The following IL3RA variants were observed in gnomAD, a reference collection of about 807,000 sequenced individuals.
IL3RA encodes interleukin-3 receptor subunit alpha.
In IL3RA, 73 loss-of-function variants were observed where a neutral mutation model predicts 52.3. That is an observed-to-expected ratio of 1.40 (90% CI 1.16 to 1.70). IL3RA has a LOEUF of 1.70. Ranked by LOEUF, IL3RA falls within the 40% of genes most tolerant of loss-of-function variation. The probability of loss-of-function intolerance (pLI) is 0.00; values close to 1 mark genes in which losing one functional copy is unlikely to be tolerated. For missense variants in IL3RA, 664 were observed against 504.4 expected (o/e 1.32, Z -3.03); for synonymous variants, 260 against 194.0 (o/e 1.34, Z -2.83).
chrX:1,340,509 C>T (rs1265223874), intron 1 of IL3RA, among the ~76,000 whole-genome samples: 105 of 152,320 alleles, frequency 6.9e-4, no homozygotes, highest in Non-Finnish European at 1.3e-3. Context: ...CATTTGTACA[C>T]ATACATTCAC....
chrX:1,356,197 T>C, intron 6 of IL3RA, 24 bp from the exon 7 acceptor site: 2 of 1,382,558 alleles, frequency 1.4e-6, no homozygotes, highest in Non-Finnish European at 2.0e-6. Context: ...TCCTAAATCC[T>C]AAAAGTGTTT....
chrX:1,357,036 T>C (rs1426309031), intron 7 of IL3RA, among the ~76,000 whole-genome samples: 19 of 151,676 alleles, frequency 1.3e-4, no homozygotes, highest in Non-Finnish European at 2.8e-4. Flanking sequence ...CACTGCAACC[T>C]CTGCCTCCCG....
At position 1,344,748 on chromosome X, in the gene IL3RA, G is replaced by A. The variant is rs535785262; in HGVS notation, c.65-568G>A. 2.0e-4 allele frequency among the ~76,000 whole-genome samples: 31 copies of A among 151,766 alleles called. No homozygotes were observed. The South Asian group carries it at 2.7e-3, about 13-fold the overall frequency. ...AGATCGTGCCACTGCACTCCAGCCTGGGTGACAAGAGCAAAACTCCGTCTC... is the reference window on the plus strand; with the variant it reads ...AGATCGTGCCACTGCACTCCAGCCTAGGTGACAAGAGCAAAACTCCGTCTC... On this transcript the variant is annotated intron_variant, in intron 2 of 11. Transcript: ENST00000331035.
intron 1 of IL3RA, among the ~76,000 whole-genome samples, chrX:1,340,379 G>C (rs1295135424): frequency 2.0e-5 from 3 of 152,152 alleles, no homozygotes; most frequent in Non-Finnish European, 4.4e-5. Flanking sequence ...GCTTCCCAAA[G>C]TGCTGGGATT....
chrX:1,346,133 T>C (rs1246712338), intron 3 of IL3RA, among the ~76,000 whole-genome samples: 1 of 151,300 alleles, frequency 6.6e-6, no homozygotes, highest in African/African-American at 2.4e-5. Context: ...GCCAACACGG[T>C]GAAACGCTGT....
intron 6 of IL3RA, among the ~76,000 whole-genome samples, chrX:1,352,881 A>G (rs1175123702): frequency 4.5e-5 from 2 of 43,964 alleles, no homozygotes; most frequent in Non-Finnish European, 1.3e-4. Context: ...GGGTCATAGA[A>G]TCCCCCATGA....
chrX:1,351,998 C>T (rs1399564111), intron 4 of IL3RA, 102 bp from the exon 5 acceptor site: 1 of 1,434,266 alleles, frequency 7.0e-7, no homozygotes, highest in Non-Finnish European at 9.5e-7. Context: ...CTCCTGACCT[C>T]ATGTGATCCA....
intron 8 of IL3RA, among the ~76,000 whole-genome samples, chrX:1,359,116 T>C (rs2086966977): frequency 6.6e-6 from 1 of 152,036 alleles, no homozygotes; most frequent in Admixed American, 6.6e-5. Flanking sequence ...CATCCCCAAA[T>C]TGAGGGATGG....
At chrX:1,343,771 C>G (rs1452490742) in intron 2 of IL3RA, among the ~76,000 whole-genome samples, 1 of 124,906 alleles carries the variant, frequency 8.0e-6, no homozygotes, top group African/African-American at 3.3e-5. Flanking sequence ...CTTTTTCTTT[C>G]TTTCTTTTTT....
At chrX:1,361,202 C>T (rs865902975) in intron 8 of IL3RA, among the ~76,000 whole-genome samples, 1 of 103,020 alleles carries the variant, frequency 9.7e-6, no homozygotes, top group Non-Finnish European at 2.1e-5. Flanking sequence ...TCTCCATTCC[C>T]CTGTCTCTAT....
At chrX:1,355,522 C>T (rs2086641696) in intron 6 of IL3RA, among the ~76,000 whole-genome samples, 1 of 148,338 alleles carries the variant, frequency 6.7e-6, no homozygotes, top group African/African-American at 2.5e-5. Flanking sequence ...CCAGGGGAGA[C>T]CCAGCCAGGC....
intron 8 of IL3RA, among the ~76,000 whole-genome samples, chrX:1,359,664 C>T (rs7066270): frequency 0.026 from 3,887 of 150,828 alleles, 177 homozygotes; most frequent in African/African-American, 0.09. Flanking sequence ...CTCTATCTCC[C>T]GCTCCGTGTC....
At chrX:1,381,609 C>G (rs2089181288) in intron 11 of IL3RA, among the ~76,000 whole-genome samples, 1 of 151,456 alleles carries the variant, frequency 6.6e-6, no homozygotes, top group Non-Finnish European at 1.5e-5. Flanking sequence ...GCGATCTTGG[C>G]TCACCACAAC....
At chrX:1,362,896 C>G (rs1162113227) in intron 8 of IL3RA, among the ~76,000 whole-genome samples, 2 of 152,074 alleles carry the variant, frequency 1.3e-5, no homozygotes, top group African/African-American at 4.8e-5. Flanking sequence ...CTGCCTCAGC[C>G]TCCCGAGTAG....
rs760111863 is a variant in IL3RA at position 1,362,184 on chromosome X, G to A, written c.760-2954G>A. ...TCTTTCCCTCTCTCTTTGTATCTAT[G>A]TCTTTCTGTCTCTCCGTTTCTGTCT... is the stretch of plus-strand genomic sequence containing the variant. On this transcript the variant is annotated intron_variant, in intron 8 of 11. Transcript: ENST00000331035. Among the ~76,000 whole-genome samples, 122 of 144,278 alleles carry A rather than the reference G, an allele frequency of 8.5e-4. 2 individuals are homozygous for A. Among genetic ancestry groups the A allele is most frequent in the Non-Finnish European group, 1.5e-3 (102 of 66,724 alleles). The allele number at this position is 144,278 out of a possible 152,430, so 94.7% of individuals were successfully genotyped here.
rs1248102065 is a variant in IL3RA, at chrX:1,367,620, G to C, written c.874+2368G>C. On this transcript the variant is annotated intron_variant, in intron 9 of 11. Transcript: ENST00000331035. ...GGTGCGCGGGGTGAGCGGGGTGCGC[G>C]GGGTGAGCGGGGTGCGCCGGGTGAG... Among the ~76,000 whole-genome samples, 45 of 94,906 alleles carry C rather than the reference G, an allele frequency of 4.7e-4. 1 individual carries two copies. Among genetic ancestry groups the C allele is most frequent in the East Asian group, 1.8e-3 (4 of 2,274 alleles). 62.3% of individuals were successfully genotyped at this position (94,906 alleles called of 152,430 possible).
intron 9 of IL3RA, among the ~76,000 whole-genome samples, chrX:1,365,565 G>A (rs758985537): frequency 2.3e-5 from 1 of 44,406 alleles, no homozygotes; most frequent in Non-Finnish European, 3.6e-5. Context: ...CCGGGTGCGC[G>A]GGGTGAGCGG....
At chrX:1,359,510 C>T (rs1484787465) in intron 8 of IL3RA, among the ~76,000 whole-genome samples, 4 of 146,502 alleles carry the variant, frequency 2.7e-5, no homozygotes, top group African/African-American at 1.0e-4. Context: ...CTCCCTCCCC[C>T]TCTCTGTATC....
At chrX:1,381,555 T>TTAG (rs2089178735) in intron 11 of IL3RA, among the ~76,000 whole-genome samples, 1 of 151,056 alleles carries the variant, frequency 6.6e-6, no homozygotes, top group Non-Finnish European at 1.5e-5. Context: ...TTTTTTTTTT[T>TTAG]AGATGGAGTT....
Sources: gnomAD v4.1 joint callset for allele counts (sites outside exome capture counted in the v4.1 genomes callset) on GRCh38, gnomAD v4.1.1 for gene constraint, MANE v1.5 for transcripts, NCBI Gene and HGNC (gene_info 2026-07-23, HGNC 2026-07-21) for gene names.